RAB27A: variants seen among roughly 807,000 people sequenced by gnomAD.
RAB27A encodes the protein ras-related protein Rab-27A.
In RAB27A, 17 loss-of-function variants were observed where a neutral mutation model predicts 20.8. The ratio of observed to expected loss-of-function variants is 0.82; its 90% confidence interval spans 0.56 to 1.23. The LOEUF is 1.23. Among genes scored for constraint, RAB27A ranks in the 50% most tolerant of loss-of-function variants. The pLI is 0.00. For missense variants in RAB27A, 277 were observed against 266.7 expected (o/e 1.04, Z -0.27); for synonymous variants, 85 against 92.8 (o/e 0.92, Z 0.48).
chr15:55,274,815 T>TATATATATATATATATATATATATATAC (rs1188210380), intron 1 of RAB27A, among the ~76,000 whole-genome samples: 11 of 135,082 alleles, frequency 8.1e-5, no homozygotes, highest in African/African-American at 3.0e-4. Context: ...TATATATATA[T>TATATATATATATATATATATATATATAC]ATATATATAT....
In RAB27A at chr15:55,313,587, T is replaced by C. The variant is rs566660726; in HGVS notation, c.-112+452A>G. Among the ~76,000 whole-genome samples, 6 of 152,280 alleles carry C rather than the reference T, an allele frequency of 3.9e-5. No homozygotes were observed. The East Asian group carries it at 1.2e-3, about 29-fold the overall frequency. ...ATTTTCTATTTTTAAAAATTACCTA[T>C]GCTACGCCAGGCGCAGTGGCTCACG... On this transcript the variant is annotated intron_variant, in intron 2 of 5. Coordinates refer to the RAB27A transcript ENST00000563262.
At chr15:55,304,311 G>A (rs1356940625) in intron 2 of RAB27A, among the ~76,000 whole-genome samples, 1 of 151,044 alleles carries the variant, frequency 6.6e-6, no homozygotes, top group Non-Finnish European at 1.5e-5. Flanking sequence ...AAGTACCCAG[G>A]GACACAAACA....
chr15:55,262,641 G>GTTTTTT (rs112757960), intron 2 of RAB27A, among the ~76,000 whole-genome samples: 1 of 142,886 alleles, frequency 7.0e-6, no homozygotes, highest in South Asian at 2.2e-4. Flanking sequence ...CTTTTTTTTT[G>GTTTTTT]TTTTTTTTTG....
intron 6 of RAB27A, among the ~76,000 whole-genome samples, chr15:55,213,939 G>A (rs1015913996): frequency 6.6e-6 from 1 of 152,212 alleles, no homozygotes; most frequent in Non-Finnish European, 1.5e-5. Context: ...CTGGTCCATG[G>A]AAAGATTGTC....
chr15:55,269,435 A>T (rs1232976757), intron 2 of RAB27A, among the ~76,000 whole-genome samples: 2 of 152,304 alleles, frequency 1.3e-5, no homozygotes, highest in Middle Eastern at 3.4e-3. Flanking sequence ...ACACACTTAC[A>T]TTCCTCCATT....
chr15:55,208,680 G>A (rs778833955), intron 6 of RAB27A, among the ~76,000 whole-genome samples: 1 of 151,844 alleles, frequency 6.6e-6, no homozygotes, highest in Non-Finnish European at 1.5e-5. Context: ...ACTTTCCCTC[G>A]TGTCTCATTG....
intron 6 of RAB27A, among the ~76,000 whole-genome samples, chr15:55,218,698 G>T (rs1895425298): frequency 6.6e-6 from 1 of 151,404 alleles, no homozygotes; most frequent in Admixed American, 6.6e-5. Context: ...TCTTTGCACA[G>T]TACACAAAAT....
intron 1 of RAB27A, among the ~76,000 whole-genome samples, chr15:55,282,582 G>A (rs190632652): frequency 6.6e-6 from 1 of 152,144 alleles, no homozygotes; most frequent in African/African-American, 2.4e-5. Flanking sequence ...TCCAGGGTAT[G>A]GTGGTCAGCT....
intron 2 of RAB27A, among the ~76,000 whole-genome samples, chr15:55,305,130 A>C (rs1021181141): frequency 1.3e-5 from 2 of 152,194 alleles, no homozygotes; most frequent in Non-Finnish European, 2.9e-5. Context: ...CCATGCTTAA[A>C]GGTGGATGCA....
intron 2 of RAB27A, among the ~76,000 whole-genome samples, chr15:55,268,358 A>C (rs1403433293): frequency 6.6e-6 from 1 of 152,224 alleles, no homozygotes; most frequent in Non-Finnish European, 1.5e-5. Flanking sequence ...CTTGGCACTA[A>C]TACAAATTAG....
chr15:55,262,107 CTTTG>C (rs1259923274), intron 2 of RAB27A, among the ~76,000 whole-genome samples: 1 of 151,552 alleles, frequency 6.6e-6, no homozygotes, highest in Non-Finnish European at 1.5e-5. Flanking sequence ...CTTATTGATA[CTTTG>C]TTTTTGTCAC....
intron 2 of RAB27A, among the ~76,000 whole-genome samples, chr15:55,298,920 T>G (rs1425195959): frequency 1.3e-5 from 2 of 152,228 alleles, no homozygotes; most frequent in African/African-American, 4.8e-5. Flanking sequence ...TAAGGTTATC[T>G]CTCTTAATCC....
chr15:55,228,627 TGA>T lies in RAB27A; in HGVS notation c.323_324del (p.Leu108GlnfsTer16). 6.2e-7 allele frequency: 1 copy of T among 1,605,776 alleles called. No homozygotes were observed. The highest frequency in any genetic ancestry group is 8.5e-7 in the Non-Finnish European group (1 of 1,172,416). On this transcript the variant is annotated frameshift_variant, in exon 5 of 7. Transcript: ENST00000336787. LOFTEE classifies it high-confidence loss of function. ...LFDLTNEQSF[L>X]NVRNWISQLQ... ...CACTTACTTATCCAGTTTCTGACAT[TGA>T]GGAAACTTTGCTCATTTGTCAGATC...
At chr15:55,211,474 T>C (rs1008972491) in intron 6 of RAB27A, among the ~76,000 whole-genome samples, 1 of 152,214 alleles carries the variant, frequency 6.6e-6, no homozygotes, top group Non-Finnish European at 1.5e-5. Context: ...TTCACTTCTT[T>C]GGTTAAATTG....
At chr15:55,240,705 T>A (rs1011496726) in intron 2 of RAB27A, among the ~76,000 whole-genome samples, 3 of 152,208 alleles carry the variant, frequency 2.0e-5, no homozygotes, top group Non-Finnish European at 2.9e-5. Flanking sequence ...ATTTAGTCTC[T>A]TTTGCCTTGG....
At chr15:55,247,905 T>C (rs980993893) in intron 2 of RAB27A, among the ~76,000 whole-genome samples, 2 of 151,326 alleles carry the variant, frequency 1.3e-5, no homozygotes, top group Non-Finnish European at 2.9e-5. Context: ...TCCCTTGTCC[T>C]GCCTACCCAA....
At chr15:55,229,387 A>G (rs1275437491) in intron 4 of RAB27A, among the ~76,000 whole-genome samples, 1 of 152,216 alleles carries the variant, frequency 6.6e-6, no homozygotes, top group East Asian at 1.9e-4. Context: ...TATTAAAAAG[A>G]GTTCTTGGCC....
At chr15:55,215,945 CAAAAAAAAAAAA>C (rs1162706734) in intron 6 of RAB27A, among the ~76,000 whole-genome samples, 3 of 52,890 alleles carry the variant, frequency 5.7e-5, no homozygotes, top group African/African-American at 1.4e-4. Flanking sequence ...GACGCCGTCT[CAAAAAAAAAAAA>C]AAAAAAAAAA....
At chr15:55,248,282 T>C (rs1295093243) in intron 2 of RAB27A, among the ~76,000 whole-genome samples, 5 of 152,132 alleles carry the variant, frequency 3.3e-5, no homozygotes, top group South Asian at 2.1e-4. Context: ...CTTCCAACCA[T>C]CATCTGGGTG....
Sources: gnomAD v4.1 joint callset for allele counts (sites outside exome capture counted in the v4.1 genomes callset) on GRCh38, gnomAD v4.1.1 for gene constraint, MANE v1.5 for transcripts, NCBI Gene and HGNC (gene_info 2026-07-23, HGNC 2026-07-21) for gene names.